The following PLEC variants were observed in gnomAD, a reference collection of about 807,000 sequenced individuals.
PLEC encodes plectin.
A neutral mutation model predicts 392.8 loss-of-function variants in PLEC; 216 were observed. That is an observed-to-expected ratio of 0.55 (90% CI 0.49 to 0.62). PLEC has a LOEUF of 0.62. Ranked by LOEUF, PLEC falls within the 20% of genes least tolerant of loss-of-function variation. The probability of loss-of-function intolerance (pLI) is 0.00; values close to 1 mark genes in which losing one functional copy is unlikely to be tolerated. For missense variants in PLEC, 6,863 were observed against 6,563.4 expected (o/e 1.05, Z -1.58); for synonymous variants, 3,621 against 2,980.6 (o/e 1.21, Z -7.00).
chr8:143,974,474 A>T (rs1168876002), upstream of PLEC, among the ~76,000 whole-genome samples: 3 of 152,096 alleles, frequency 2.0e-5, 1 homozygote, highest in Admixed American at 1.3e-4. The surrounding 1 kb of genome is among the most constrained non-coding windows in gnomAD (Gnocchi z 5.9). Context: ...CACAGCAGTG[A>T]CCCTCTCCTT....
At chr8:143,960,008 C>T (rs559557865) in intron 1 of PLEC, among the ~76,000 whole-genome samples, 1 of 135,704 alleles carries the variant, frequency 7.4e-6, no homozygotes, top group Non-Finnish European at 1.6e-5. Context: ...TGGCCAGGCA[C>T]GCGGTGGCTC....
chr8:143,924,042 C>G lies in PLEC; in HGVS notation c.5887G>C (p.Glu1963Gln), dbSNP rs1554695422. 2 of 1,595,554 alleles carry G rather than the reference C, an allele frequency of 1.3e-6. No homozygotes were observed. ...SNAEDTLRSK[E>Q]QAELEAARQR... ...CTCGCAGCCTCCAGCTCGGCCTGCTCCTTGCTGCGCAGCGTGTCCTCCGCG... is the reference window on the plus strand; with the variant it reads ...CTCGCAGCCTCCAGCTCGGCCTGCTGCTTGCTGCGCAGCGTGTCCTCCGCG... Residue 1963 changes from glutamate to glutamine, a missense_variant, in exon 31 of 32, where the codon GAG becomes CAG. Transcript: ENST00000345136.
chr8:143,953,451 G>A (rs974721481), upstream of PLEC, among the ~76,000 whole-genome samples: 4 of 148,996 alleles, frequency 2.7e-5, no homozygotes, highest in East Asian at 5.9e-4. Flanking sequence ...TCCCCGCCCC[G>A]CCGCCGCCGC....
In PLEC at chr8:143,931,920, G is replaced by T; in HGVS notation, c.2178+17C>A. 6.3e-7 allele frequency: 1 copy of T among 1,594,282 alleles called. No individual in the cohort carries two copies. Among genetic ancestry groups the T allele is most frequent in the East Asian group, 2.2e-5 (1 of 44,508 alleles). ...GCTGCCGCTGAGCCACAGTGCGGAG[G>T]GGGCTCCGGTTCTCACCTGAAAGTA... On this transcript the variant is annotated intron_variant, in intron 18 of 31. Coordinates refer to ENST00000345136, the MANE Select transcript of PLEC (RefSeq NM_201384.3).
upstream of PLEC, among the ~76,000 whole-genome samples, chr8:143,940,750 G>A (rs1041530298): frequency 7.2e-5 from 11 of 152,144 alleles, no homozygotes; most frequent in Non-Finnish European, 1.0e-4. Flanking sequence ...CCCTGAGGCC[G>A]TGAGGGGGCA....
chr8:143,931,563 G>A lies in PLEC; in HGVS notation c.2275C>T (p.Arg759Trp), dbSNP rs781846297. The A allele has an allele frequency of 2.5e-6, 4 of 1,595,874 alleles. No individual in the cohort carries two copies. The highest frequency in any genetic ancestry group is 2.3e-5 in the South Asian group (2 of 88,264). Reference sequence around the variant, plus strand: ...GCATCCTGCAGCAGGTCCTCCAGCCGGGTGACGGTGGCGGAGCGATCACAA... The same window carrying A: ...GCATCCTGCAGCAGGTCCTCCAGCCAGGTGACGGTGGCGGAGCGATCACAA... ...YSCDRSATVTRLEDLLQDAQD... is the reference protein window; with the variant it reads ...YSCDRSATVTWLEDLLQDAQD... Residue 759 changes from arginine (R) to tryptophan (W), a missense_variant, in exon 19 of 32, where the codon CGG (arginine) becomes TGG (tryptophan). By Grantham distance (101) the Arg-to-Trp change is moderately radical (BLOSUM62 -3). Transcript: ENST00000345136.
At chr8:143,953,317 C>T (rs1281049896), upstream of PLEC, among the ~76,000 whole-genome samples, 2 of 149,466 alleles carry the variant, frequency 1.3e-5, no homozygotes, top group African/African-American at 4.9e-5. Context: ...GCCGGCCCGG[C>T]GCCTCTGCAC....
At chr8:143,953,778 G>A (rs552714786), upstream of PLEC, 22 of 1,612,078 alleles carry the variant, frequency 1.4e-5, no homozygotes, top group East Asian at 4.0e-4. Flanking sequence ...CCATGTCTGC[G>A]CCGGGGCTGA....
At chr8:143,953,636 C>G (rs1008027884), upstream of PLEC, 1 of 1,398,478 alleles carries the variant, frequency 7.2e-7, no homozygotes, top group African/African-American at 1.4e-5. Context: ...GGATGGCAGA[C>G]CCTGCCCGCC....
chr8:143,925,744 C>T lies in PLEC; in HGVS notation c.4185G>A (p.Gln1395=), dbSNP rs1479226214. Residue 1395 remains glutamine, a synonymous_variant, in exon 31 of 32, where the codon CAG becomes CAA. Coordinates refer to ENST00000345136, the MANE Select transcript of PLEC (RefSeq NM_201384.3). ...GCCGCACCACCTCCTCCTGCATGCG[C>T]TGCTGCAGCTCCTTCGCCTCCCGCT... ...QAEREAKELQ[Q]RMQEEVVRRE... The T allele has an allele frequency of 4.4e-6, 7 of 1,594,704 alleles. No individual in the cohort carries two copies. The African/African-American group carries it at 8.0e-5, about 18-fold the overall frequency.
chr8:143,934,560 A>C (rs1828441554), intron 10 of PLEC, 75 bp downstream of exon 10: 3 of 1,600,090 alleles, frequency 1.9e-6, no homozygotes, highest in Middle Eastern at 3.3e-4. Flanking sequence ...AGGCAGGGCC[A>C]GGTCGGCTCC....
chr8:143,944,785 G>A (rs551684162), intron 1 of PLEC: 21 of 1,084,442 alleles, frequency 1.9e-5, no homozygotes, highest in Middle Eastern at 2.5e-4. Context: ...GGGCACGGCC[G>A]TGCTGCTGTC....
At position 143,935,830 on chromosome 8, in the gene PLEC, GC is replaced by G; in HGVS notation, c.602+17del. On this transcript the variant is annotated intron_variant, in intron 6 of 31. Coordinates refer to ENST00000345136, the MANE Select transcript of PLEC (RefSeq NM_201384.3). ...GGGTGCCCCCAGCCCACAGCCCCCT[GC>G]CCCCGGGGCCATGTACTTGTGCCGG... 1 of 1,612,236 alleles carries G rather than the reference GC, an allele frequency of 6.2e-7. No individual in the cohort carries two copies.
At position 143,916,118 on chromosome 8, in the gene PLEC, C is replaced by A. The variant is rs1820414410; in HGVS notation, c.*59G>T. On this transcript the variant is annotated 3_prime_UTR_variant, in exon 32 of 32. Transcript: ENST00000345136. ...CACCTTTAAGCGTTGAAAACGGCCC[C>A]CGCGCCTCGGTGGGAGCCGGGCTGG... is the stretch of plus-strand genomic sequence containing the variant. The A allele has an allele frequency of 8.2e-6, 11 of 1,349,362 alleles. No homozygotes were observed. The highest frequency in any genetic ancestry group is 1.1e-5 in the Non-Finnish European group (11 of 1,016,756). 83.6% of individuals were successfully genotyped at this position (1,349,362 alleles called of 1,614,324 possible). A position where few individuals can be genotyped will look rare whatever the true frequency, so the allele number is the denominator to read the frequency against.
intron 3 of PLEC, chr8:143,937,569 C>T (rs1382420831): frequency 2.1e-6 from 1 of 484,456 alleles, no homozygotes; most frequent in Non-Finnish European, 3.9e-6. Context: ...CCACAGCAGC[C>T]ACCGGTGGGT....
upstream of PLEC, chr8:143,942,568 AC>A: frequency 6.7e-7 from 1 of 1,493,358 alleles, no homozygotes; most frequent in Non-Finnish European, 8.9e-7. Flanking sequence ...GGGGAGCTGG[AC>A]CGCGGCGGCG....
At chr8:143,934,770 C>G (rs1554721363) in intron 9 of PLEC, 40 bp from the exon 10 acceptor site, 1 of 1,612,020 alleles carries the variant, frequency 6.2e-7, no homozygotes, top group Middle Eastern at 1.6e-4. Context: ...GCCGGGCTCT[C>G]AGGGCAGGCC....
Position 143,921,084 on chromosome 8 carries a change from G to A in PLEC, c.8737C>T (p.Pro2913Ser), listed in dbSNP as rs923698692. 3.1e-6 allele frequency: 5 copies of A among 1,611,888 alleles called. No individual in the cohort carries two copies. The highest frequency in any genetic ancestry group is 4.2e-6 in the Non-Finnish European group (5 of 1,180,030). ...DVFEKATVSA[P>S]FGKFQGKTVT... ...GTCTTGCCCTGGAACTTGCCGAACG[G>A]CGCAGACACGGTGGCCTTCTCAAAG... Residue 2913 changes from proline (P) to serine (S), a missense_variant, in exon 32 of 32, where the codon CCG (proline) becomes TCG (serine). Transcript: ENST00000345136.
At chr8:143,946,515 G>T in intron 1 of PLEC, 1 of 623,432 alleles carries the variant, frequency 1.6e-6, no homozygotes, top group Non-Finnish European at 2.5e-6. Context: ...GCTCCTCCTC[G>T]CAGCCACCCC....
Sources: allele counts gnomAD v4.1 joint callset (sites outside exome capture counted in the v4.1 genomes callset), GRCh38; gene constraint gnomAD v4.1.1; non-coding constraint Gnocchi (gnomAD v3.1); transcripts MANE v1.5; gene names NCBI Gene and HGNC (gene_info 2026-07-23, HGNC 2026-07-21).